TCN1: variants seen among roughly 807,000 people sequenced by gnomAD.
TCN1 encodes transcobalamin-1.
A neutral mutation model predicts 46.3 loss-of-function variants in TCN1; 47 were observed. The ratio of observed to expected loss-of-function variants is 1.01; its 90% confidence interval spans 0.80 to 1.29. The LOEUF is 1.29. Among genes scored for constraint, TCN1 ranks in the 50% most tolerant of loss-of-function variants. TCN1 has a pLI of 0.00. For synonymous variants in TCN1, 183 were observed against 192.5 expected, an observed-to-expected ratio of 0.95 and a Z score of 0.41; for missense variants, 532 against 511.0, an observed-to-expected ratio of 1.04 and a Z score of -0.40.
rs1456609430 is a variant in TCN1, at chr11:59,854,637, T to G, written c.1121+15A>C. The G allele has an allele frequency of 6.2e-7, 1 of 1,612,868 alleles. No homozygotes were observed. ...GACAGCAAACATCTTAACCTTAGGT[T>G]AGGTACAGACCTACCCAAATATAGT... On this transcript the variant is annotated intron_variant, in intron 7 of 8. Transcript: ENST00000257264.
Position 59,864,042 on chromosome 11 carries a change from T to A in TCN1, c.124A>T (p.Thr42Ser). ...NYIRLKPLLN[T>S]MIQSNYNRGT... ...CTGTTATAGTTTGACTGGATCATTG[T>A]ATTCAACAGAGGTTTTAGGCGGATG... The change falls in exon 2 of 9, where the codon ACA becomes TCA. Residue 42 changes from threonine (T) to serine (S), a missense_variant. Thr to Ser is a moderately conservative substitution (Grantham distance 58). Coordinates refer to ENST00000257264, the MANE Select transcript of TCN1 (RefSeq NM_001062.4). 2.5e-6 allele frequency: 4 copies of A among 1,613,978 alleles called. No individual in the cohort carries two copies. Among genetic ancestry groups the A allele is most frequent in the Non-Finnish European group, 3.4e-6 (4 of 1,179,818 alleles).
chr11:59,865,305 A>G (rs949304317), intron 1 of TCN1, among the ~76,000 whole-genome samples: 2 of 152,156 alleles, frequency 1.3e-5, no homozygotes, highest in Non-Finnish European at 2.9e-5. Flanking sequence ...CCTGAAACAG[A>G]CTTTTTAGTT....
At chr11:59,859,347 G>T in intron 4 of TCN1, 80 bp from the exon 5 acceptor site, 1 of 1,458,336 alleles carries the variant, frequency 6.9e-7, no homozygotes, top group South Asian at 1.1e-5. Flanking sequence ...TGGGATGTGA[G>T]ACTTTCAGTG....
At chr11:59,855,095 T>G (rs1351983291) in intron 6 of TCN1, among the ~76,000 whole-genome samples, 1 of 152,188 alleles carries the variant, frequency 6.6e-6, no homozygotes, top group Non-Finnish European at 1.5e-5. Flanking sequence ...CTCTAACTTC[T>G]GTTTCTCACA....
intron 4 of TCN1, among the ~76,000 whole-genome samples, chr11:59,860,679 G>T (rs1411717152): frequency 6.6e-6 from 1 of 152,156 alleles, no homozygotes; most frequent in Non-Finnish European, 1.5e-5. Flanking sequence ...TTAGAAAATA[G>T]TACTTTACAG....
rs1397966012 is a variant in TCN1 at position 59,861,428 on chromosome 11, A to G, written c.556+99T>C. 3.0e-6 allele frequency: 4 copies of G among 1,345,360 alleles called. No homozygotes were observed. The African/African-American group carries it at 4.3e-5, about 15-fold the overall frequency. The allele number at this position is 1,345,360 out of a possible 1,614,324, so 83.3% of individuals were successfully genotyped here. A position where few individuals can be genotyped will look rare whatever the true frequency, so the allele number is the denominator to read the frequency against. On this transcript the variant is annotated intron_variant, in intron 4 of 8. Transcript: ENST00000257264. ...GAGGGGACTAGAGCAAAGAGGGTAG[A>G]AAATAAAATCCAGGTACTTACTGGT...
chr11:59,865,145 C>T (rs1565215573), intron 1 of TCN1, among the ~76,000 whole-genome samples: 3 of 152,066 alleles, frequency 2.0e-5, no homozygotes, highest in South Asian at 4.1e-4. Context: ...ATTTCTCTTG[C>T]CCAGTTTTCT....
At chr11:59,854,917 C>G (rs1852914575) in intron 6 of TCN1, 82 bp from the exon 7 acceptor site, 2 of 1,456,916 alleles carry the variant, frequency 1.4e-6, no homozygotes, top group Non-Finnish European at 1.9e-6. Flanking sequence ...CAACCCCTAT[C>G]CAAGGACTCC....
At position 59,857,657 on chromosome 11, in the gene TCN1, T is replaced by A. The variant is rs559101450; in HGVS notation, c.747+1420A>T. The stretch of plus-strand genomic sequence containing the variant: ...ATTCATACTGATGATGCAGTAAAGT[T>A]TTTTTTTTTTCTGTAAACCTTCCTT... On this transcript the variant is annotated intron_variant, in intron 5 of 8. Transcript: ENST00000257264. 2.0e-5 allele frequency among the ~76,000 whole-genome samples: 3 copies of A among 151,408 alleles called. No individual in the cohort carries two copies. The South Asian group carries it at 6.3e-4, about 32-fold the overall frequency.
chr11:59,864,244 T>C (rs1332202176), intron 1 of TCN1, among the ~76,000 whole-genome samples, 158 bp from the exon 2 acceptor site: 4 of 152,176 alleles, frequency 2.6e-5, no homozygotes, highest in Admixed American at 1.3e-4. Flanking sequence ...AAGGTGGGTC[T>C]TGAACCCACC....
chr11:59,853,571 T>G (rs924421110), intron 7 of TCN1, among the ~76,000 whole-genome samples: 1 of 152,170 alleles, frequency 6.6e-6, no homozygotes, highest in Non-Finnish European at 1.5e-5. Context: ...AGAGAAATGA[T>G]GCTCATGGTT....
At chr11:59,862,449 G>C (rs1297642822) in intron 3 of TCN1, 133 bp downstream of exon 3, 1 of 1,096,344 alleles carries the variant, frequency 9.1e-7, no homozygotes, top group African/African-American at 1.6e-5. Flanking sequence ...AGAGAAAAAG[G>C]GAAGTGCCCT....
chr11:59,854,901 C>A, intron 6 of TCN1, 66 bp from the exon 7 acceptor site: 1 of 1,553,094 alleles, frequency 6.4e-7, no homozygotes, highest in Non-Finnish European at 8.9e-7. Flanking sequence ...AGTTTGCAGA[C>A]CTACTCAACC....
In TCN1 at chr11:59,853,383, C is replaced by T. The variant is rs1590864305; in HGVS notation, c.1122-62G>A. On this transcript the variant is annotated intron_variant, in intron 7 of 8. Coordinates refer to ENST00000257264, the MANE Select transcript of TCN1 (RefSeq NM_001062.4). ...ATTGTCAAAGGAAACCAACAATAGG[C>T]ATTTCTCAAACTTTAATGTACCTGA... 4 of 1,441,688 alleles carry T rather than the reference C, an allele frequency of 2.8e-6. No individual in the cohort carries two copies. The South Asian group carries it at 4.6e-5, about 16-fold the overall frequency. The allele number at this position is 1,441,688 out of a possible 1,614,324, so 89.3% of individuals were successfully genotyped here. A position where few individuals can be genotyped will look rare whatever the true frequency, so the allele number is the denominator to read the frequency against.
rs1451712549 is a variant in TCN1, at chr11:59,866,454, T to C, written c.17A>G (p.Gln6Arg). MRQSH[Q>R]LPLVGLLLFS... Reference sequence around the variant, plus strand: ...CAGTAAGAGCCCCACTAGGGGCAGCTGGTGTGACTGTCTCATCTCTCCAAC... The same window carrying C: ...CAGTAAGAGCCCCACTAGGGGCAGCCGGTGTGACTGTCTCATCTCTCCAAC... The change falls in exon 1 of 9, where the codon CAG becomes CGG. Residue 6 changes from glutamine (Q) to arginine (R), a missense_variant. Gln to Arg is a conservative substitution (Grantham distance 43). Coordinates refer to ENST00000257264, the MANE Select transcript of TCN1 (RefSeq NM_001062.4). The C allele has an allele frequency of 2.5e-6, 4 of 1,613,394 alleles. No individual in the cohort carries two copies. The South Asian group carries it at 3.3e-5, about 13-fold the overall frequency.
At chr11:59,863,778 T>A in intron 2 of TCN1, 129 bp downstream of exon 2, 1 of 1,066,422 alleles carries the variant, frequency 9.4e-7, no homozygotes, top group Non-Finnish European at 1.4e-6. Flanking sequence ...TTCTGTTACC[T>A]CAAGTTTGGT....
intron 6 of TCN1, 92 bp downstream of exon 6, chr11:59,855,777 G>C (rs118146024): frequency 7.2e-7 from 1 of 1,388,350 alleles, no homozygotes; most frequent in East Asian, 2.3e-5. Context: ...AGGTTTATCT[G>C]GTCACTTTTG....
intron 6 of TCN1, among the ~76,000 whole-genome samples, chr11:59,855,433 T>G (rs1459811860): frequency 6.6e-6 from 1 of 152,188 alleles, no homozygotes; most frequent in Admixed American, 6.5e-5. Context: ...GGTCATTTTT[T>G]GAATAAGTAA....
Position 59,862,619 on chromosome 11 carries a change from C to T in TCN1, c.363G>A (p.Lys121=). ...NLIYDYHLID[K]LENKFQAEIE... ...TTTCTGCTTGGAATTTATTTTCTAG[C>T]TTGTCGATCAGGTGGTAATCATATA... is the stretch of plus-strand genomic sequence containing the variant. The change falls in exon 3 of 9, where the codon AAG becomes AAA. Residue 121 remains lysine (K), a synonymous_variant. Coordinates refer to ENST00000257264, the MANE Select transcript of TCN1 (RefSeq NM_001062.4). The T allele has an allele frequency of 6.2e-7, 1 of 1,613,566 alleles. No individual in the cohort carries two copies. The highest frequency in any genetic ancestry group is 8.5e-7 in the Non-Finnish European group (1 of 1,179,754).
Sources: gnomAD v4.1 joint callset for allele counts (sites outside exome capture counted in the v4.1 genomes callset) on GRCh38, gnomAD v4.1.1 for gene constraint, MANE v1.5 for transcripts, NCBI Gene and HGNC (gene_info 2026-07-23, HGNC 2026-07-21) for gene names.